IL6R: variants seen among roughly 807,000 people sequenced by gnomAD.
IL6R encodes interleukin 6 receptor.
A neutral mutation model predicts 48.3 loss-of-function variants in IL6R; 38 were observed. The observed-to-expected ratio is 0.79, with a 90% CI of 0.61 to 1.03. The LOEUF is 1.03. Among genes scored for constraint, IL6R ranks in the 50% least tolerant of loss-of-function variants. IL6R has a pLI of 0.00. For missense variants in IL6R, 534 were observed against 618.3 expected (o/e 0.86, Z 1.45); for synonymous variants, 264 against 256.2 (o/e 1.03, Z -0.29).
intron 6 of IL6R, among the ~76,000 whole-genome samples, chr1:154,441,016 G>T (rs545151816): frequency 9.5e-4 from 145 of 152,332 alleles, no homozygotes; most frequent in Non-Finnish European, 1.8e-3. Flanking sequence ...TATTCAAATA[G>T]AAAGTTCTTT....
intron 1 of IL6R, among the ~76,000 whole-genome samples, chr1:154,417,281 A>C (rs1050151912): frequency 6.6e-6 from 1 of 152,188 alleles, no homozygotes; most frequent in African/African-American, 2.4e-5. Flanking sequence ...GACACCATGC[A>C]CTGCTGTGTG....
chr1:154,418,781 G>A (rs934739937), intron 1 of IL6R, among the ~76,000 whole-genome samples: 3 of 152,090 alleles, frequency 2.0e-5, no homozygotes, highest in African/African-American at 7.2e-5. Context: ...TCCTATACAC[G>A]CTGCGGCTGT....
At chr1:154,462,374 C>CTTT (rs34351697) in intron 9 of IL6R, among the ~76,000 whole-genome samples, 19 of 137,168 alleles carry the variant, frequency 1.4e-4, no homozygotes, top group African/African-American at 5.1e-4. Context: ...AAATCTCAGA[C>CTTT]TTTTTTTTTT....
chr1:154,443,296 T>C (rs1330527929), intron 6 of IL6R, among the ~76,000 whole-genome samples: 1 of 152,226 alleles, frequency 6.6e-6, no homozygotes, highest in Non-Finnish European at 1.5e-5. Context: ...TCAAACTCTT[T>C]GGCCATCCAT....
At position 154,464,156 on chromosome 1, in the gene IL6R, CT is replaced by C. The variant is rs763486598; in HGVS notation, c.1161-969del. 2.9e-4 allele frequency among the ~76,000 whole-genome samples: 23 copies of C among 78,370 alleles called. No homozygotes were observed. In the Admixed American group the frequency reaches 3.4e-3, roughly 12 times the overall value. 51.4% of individuals were successfully genotyped at this position (78,370 alleles called of 152,430 possible). A position where few individuals can be genotyped will look rare whatever the true frequency, so the allele number is the denominator to read the frequency against. On this transcript the variant is annotated intron_variant, in intron 9 of 9. Transcript: ENST00000368485. ...TTCTTTTTTTATTTTCTTTCCTTTTCTTTTTTTTTATTTTTGAGACAGAGTT... is the reference window on the plus strand; with the variant it reads ...TTCTTTTTTTATTTTCTTTCCTTTTCTTTTTTTTATTTTTGAGACAGAGTT...
At chr1:154,443,894 C>T (rs1464010674) in intron 6 of IL6R, among the ~76,000 whole-genome samples, 6 of 152,190 alleles carry the variant, frequency 3.9e-5, no homozygotes, top group African/African-American at 1.4e-4. Flanking sequence ...AAACATATCA[C>T]ACCCCTCACA....
chr1:154,465,739 A>T lies in IL6R; in HGVS notation c.*359A>T. 3.9e-6 allele frequency: 1 copy of T among 258,294 alleles called. No individual in the cohort carries two copies. Among genetic ancestry groups the T allele is most frequent in the South Asian group, 5.0e-5 (1 of 19,916 alleles). 16.0% of individuals were successfully genotyped at this position (258,294 alleles called of 1,614,324 possible). A position where few individuals can be genotyped will look rare whatever the true frequency, so the allele number is the denominator to read the frequency against. ...AGCGGCTGGCAGCCCACCCCTCAAC[A>T]CCTCTGCACAAGCTGCACCCTCAGG... On this transcript the variant is annotated 3_prime_UTR_variant, in exon 10 of 10. Coordinates refer to ENST00000368485, the MANE Select transcript of IL6R (RefSeq NM_000565.4).
At chr1:154,437,413 T>A in intron 6 of IL6R, 1 of 367,346 alleles carries the variant, frequency 2.7e-6, no homozygotes, top group South Asian at 1.8e-5. Context: ...TTTTTTTAAC[T>A]TAAATTTTTT....
At chr1:154,427,755 A>T (rs1689058308) in intron 1 of IL6R, among the ~76,000 whole-genome samples, 1 of 152,148 alleles carries the variant, frequency 6.6e-6, no homozygotes, top group Non-Finnish European at 1.5e-5. Context: ...TAGGGGTGTT[A>T]TCTGCCTGGG....
In IL6R at chr1:154,405,895, G is replaced by GCCCCCTGCTGCGCTTGCT. The variant is rs1553302582; in HGVS notation, c.85+185_85+202dup. ...TGTGGTCGCGGGTAGTGGCTCTTGC[G>GCCCCCTGCTGCGCTTGCT]CCCCCTGCTGCGCTTGCTCCCTTGG... On this transcript the variant is annotated intron_variant, in intron 1 of 9. Coordinates refer to ENST00000368485, the MANE Select transcript of IL6R (RefSeq NM_000565.4). The surrounding 1 kb of genome is among the most constrained non-coding windows in gnomAD (Gnocchi z 5.2). 6.6e-6 allele frequency among the ~76,000 whole-genome samples: 1 copy of GCCCCCTGCTGCGCTTGCT among 152,146 alleles called. No homozygotes were observed. Among genetic ancestry groups the GCCCCCTGCTGCGCTTGCT allele is most frequent in the Non-Finnish European group, 1.5e-5 (1 of 68,006 alleles).
intron 9 of IL6R, among the ~76,000 whole-genome samples, chr1:154,458,115 C>T (rs1050119693): frequency 2.0e-5 from 3 of 151,914 alleles, no homozygotes; most frequent in Non-Finnish European, 2.9e-5. Flanking sequence ...TACAGGCGCC[C>T]ACCACCACGC....
intron 6 of IL6R, chr1:154,437,673 A>C: frequency 4.3e-6 from 1 of 233,062 alleles, no homozygotes. Context: ...CAGACTCCCA[A>C]AGTGCTGGGA....
At chr1:154,449,543 T>A (rs1175229912) in intron 7 of IL6R, among the ~76,000 whole-genome samples, 1 of 151,992 alleles carries the variant, frequency 6.6e-6, no homozygotes, top group African/African-American at 2.4e-5. Context: ...AAAAGAAGTC[T>A]GTCCAAGGTG....
At chr1:154,452,291 C>A (rs138963082) in intron 8 of IL6R, among the ~76,000 whole-genome samples, 147 of 152,304 alleles carry the variant, frequency 9.7e-4, no homozygotes, top group African/African-American at 3.3e-3. Flanking sequence ...TACGAGGAGT[C>A]CCAGCAAAGC....
At chr1:154,429,557 A>C in intron 2 of IL6R, 113 bp downstream of exon 2, 1 of 1,309,674 alleles carries the variant, frequency 7.6e-7, no homozygotes, top group African/African-American at 1.5e-5. Flanking sequence ...TTGGCGCAAG[A>C]ATTTTGGGGA....
intron 8 of IL6R, among the ~76,000 whole-genome samples, chr1:154,453,636 A>T (rs1690713803): frequency 6.6e-6 from 1 of 152,170 alleles, no homozygotes; most frequent in Non-Finnish European, 1.5e-5. Flanking sequence ...TATTTTGGCG[A>T]TCCTACTTTG....
chr1:154,433,011 T>A (rs1285950025), intron 3 of IL6R, among the ~76,000 whole-genome samples: 1 of 152,224 alleles, frequency 6.6e-6, no homozygotes, highest in Non-Finnish European at 1.5e-5. Context: ...AGCCTCTGCC[T>A]TGGACCAGGC....
At chr1:154,432,891 C>CT (rs1390452259) in intron 3 of IL6R, among the ~76,000 whole-genome samples, 1 of 152,196 alleles carries the variant, frequency 6.6e-6, no homozygotes. Flanking sequence ...GAGACAGGCC[C>CT]CTGGAAAGGG....
At chr1:154,441,837 G>A (rs181224929) in intron 6 of IL6R, among the ~76,000 whole-genome samples, 1 of 152,294 alleles carries the variant, frequency 6.6e-6, no homozygotes, top group East Asian at 1.9e-4. Context: ...GCACCTGGGA[G>A]TCAGGTTGTA....
Sources: allele counts gnomAD v4.1 joint callset (sites outside exome capture counted in the v4.1 genomes callset), GRCh38; gene constraint gnomAD v4.1.1; non-coding constraint Gnocchi (gnomAD v3.1); transcripts MANE v1.5; gene names NCBI Gene and HGNC (gene_info 2026-07-23, HGNC 2026-07-21).